The following KCNIP4 variants were observed in gnomAD, a reference collection of about 807,000 sequenced individuals.
KCNIP4 encodes potassium voltage-gated channel interacting protein 4.
KCNIP4 carries 12 observed loss-of-function variants against 34.0 expected under a neutral mutation model. The observed-to-expected ratio is 0.35, with a 90% CI of 0.23 to 0.57. The LOEUF is 0.57. KCNIP4 is among the 20% of genes least tolerant of loss of function. KCNIP4 has a pLI of 0.83. For synonymous variants in KCNIP4, 124 were observed against 102.2 expected (o/e 1.21, Z -1.29); for missense variants, 238 against 311.7 (o/e 0.76, Z 1.78).
At chr4:20,898,733 G>C (rs1392467018) in intron 1 of KCNIP4, among the ~76,000 whole-genome samples, 1 of 152,120 alleles carries the variant, frequency 6.6e-6, no homozygotes, top group African/African-American at 2.4e-5. Context: ...TGTGGTTAAT[G>C]TTCACTGATC....
intron 1 of KCNIP4, among the ~76,000 whole-genome samples, chr4:21,671,614 C>T (rs1342088210): frequency 6.6e-6 from 1 of 152,164 alleles, no homozygotes; most frequent in Non-Finnish European, 1.5e-5. Context: ...TATACTTCAT[C>T]ATTTTCCTCT....
At chr4:21,570,059 A>G (rs565301576) in intron 1 of KCNIP4, among the ~76,000 whole-genome samples, 3 of 152,120 alleles carry the variant, frequency 2.0e-5, no homozygotes, top group Non-Finnish European at 4.4e-5. Context: ...GTCTGCCTCA[A>G]ATGGAGAGGG....
intron 1 of KCNIP4, among the ~76,000 whole-genome samples, chr4:21,240,830 A>C (rs1208823394): frequency 1.3e-5 from 2 of 152,234 alleles, no homozygotes; most frequent in Non-Finnish European, 2.9e-5. Flanking sequence ...AACATTATTG[A>C]AACACTTGTT....
chr4:21,015,562 A>ATAGTATATTGTATTAATATAATAT (rs1466216738), intron 1 of KCNIP4, among the ~76,000 whole-genome samples: 3 of 118,974 alleles, frequency 2.5e-5, no homozygotes, highest in African/African-American at 3.3e-5. Context: ...TTAATATAAT[A>ATAGTATATTGTATTAATATAATAT]TAGTATATTG....
At chr4:21,368,564 A>T (rs1720028122) in intron 1 of KCNIP4, among the ~76,000 whole-genome samples, 1 of 147,324 alleles carries the variant, frequency 6.8e-6, no homozygotes, top group South Asian at 2.1e-4. Context: ...AAGGCCCAGT[A>T]AGGTTGGGTA....
At chr4:21,840,316 G>C (rs1723600699) in intron 1 of KCNIP4, among the ~76,000 whole-genome samples, 1 of 151,992 alleles carries the variant, frequency 6.6e-6, no homozygotes, top group South Asian at 2.1e-4. Flanking sequence ...CTCCTCTGTA[G>C]TCTGTAGTCT....
chr4:20,984,879 C>T (rs1041548853), intron 1 of KCNIP4, among the ~76,000 whole-genome samples: 2 of 152,068 alleles, frequency 1.3e-5, no homozygotes, highest in Non-Finnish European at 2.9e-5. Context: ...TTATTAAAAC[C>T]ACGCTCATCA....
Position 20,882,677 on chromosome 4 carries a change from T to A in KCNIP4, c.94A>T (p.Ser32Cys). The A allele has an allele frequency of 6.2e-7, 1 of 1,613,680 alleles. No individual in the cohort carries two copies. The highest frequency in any genetic ancestry group is 8.5e-7 in the Non-Finnish European group (1 of 1,179,832). ...AGCTTCATGAGCCGCTCTTTAATGC[T>A]GCGCTTGGTGCTGTTCTGAGCGTAC... ...FLYAQNSTKRSIKERLMKLLP... is the reference protein window; with the variant it reads ...FLYAQNSTKRCIKERLMKLLP... The change falls in exon 2 of 9, where the codon AGC (serine) becomes TGC (cysteine). Residue 32 changes from serine to cysteine, a missense_variant. Ser to Cys is a moderately radical substitution (Grantham distance 112, BLOSUM62 -1). Coordinates refer to ENST00000382152, the MANE Select transcript of KCNIP4 (RefSeq NM_025221.6).
intron 1 of KCNIP4, among the ~76,000 whole-genome samples, chr4:21,449,000 A>T (rs1397083642): frequency 6.6e-6 from 1 of 152,230 alleles, no homozygotes; most frequent in Non-Finnish European, 1.5e-5. Flanking sequence ...GGCTGAAATG[A>T]CTACTCAGCT....
rs1229230322 is a variant in KCNIP4 at position 21,105,923 on chromosome 4, G to T, written c.62-223214C>A. On this transcript the variant is annotated intron_variant, in intron 1 of 8. Transcript: ENST00000382152. ...TTATTGATTTGCATATATTGAACCA[G>T]CCTTGCATCCCAGGGATGAAGCCCA... Among the ~76,000 whole-genome samples the T allele has an allele frequency of 2.0e-5, 3 of 151,430 alleles. 1 individual carries two copies. Among genetic ancestry groups the T allele is most frequent in the African/African-American group, 7.4e-5 (3 of 40,786 alleles).
intron 1 of KCNIP4, chr4:21,718,898 G>A (rs534407438): frequency 1.4e-4 from 22 of 152,274 alleles, no homozygotes; most frequent in African/African-American, 5.3e-4. Context: ...CATGTTTAGT[G>A]CATTTCAATT....
At chr4:21,863,034 G>C (rs937226163) in intron 1 of KCNIP4, among the ~76,000 whole-genome samples, 15 of 150,536 alleles carry the variant, frequency 1.0e-4, no homozygotes, top group African/African-American at 3.6e-4. Flanking sequence ...CCCATACTTT[G>C]GTACTGTTAA....
At chr4:20,731,711 T>C (rs1292983534) in intron 8 of KCNIP4, 9 of 985,166 alleles carry the variant, frequency 9.1e-6, no homozygotes, top group Non-Finnish European at 1.1e-5. Flanking sequence ...TCAAATCTCA[T>C]GTATGTTTTA....
intron 1 of KCNIP4, chr4:21,851,816 A>T (rs2109337099): frequency 6.6e-6 from 1 of 152,318 alleles, no homozygotes; most frequent in Admixed American, 6.5e-5. Context: ...ATGGGTGCAT[A>T]GGTGAAGGAG....
chr4:21,686,516 A>G (rs1271940201), intron 1 of KCNIP4, among the ~76,000 whole-genome samples: 1 of 152,176 alleles, frequency 6.6e-6, no homozygotes, highest in African/African-American at 2.4e-5. Context: ...TACATATACT[A>G]TGTTCCCCGT....
At chr4:21,375,571 CTTT>C (rs60626237) in intron 1 of KCNIP4, among the ~76,000 whole-genome samples, 4 of 130,052 alleles carry the variant, frequency 3.1e-5, no homozygotes, top group Admixed American at 7.7e-5. Context: ...GAATTTTTTT[CTTT>C]TTTTTTTTTT....
chr4:21,766,028 G>A (rs1407513879), intron 1 of KCNIP4, among the ~76,000 whole-genome samples: 1 of 152,042 alleles, frequency 6.6e-6, no homozygotes, highest in Non-Finnish European at 1.5e-5. Context: ...CAGGATTGTA[G>A]ATTTCTCTTC....
At chr4:21,499,162 C>T (rs1297350951) in intron 1 of KCNIP4, among the ~76,000 whole-genome samples, 3 of 151,972 alleles carry the variant, frequency 2.0e-5, no homozygotes, top group African/African-American at 7.3e-5. Flanking sequence ...GAAACCCCAT[C>T]TCTACTAAAA....
Position 21,700,715 on chromosome 4 carries a change from A to C in KCNIP4, c.61+247856T>G, listed in dbSNP as rs1435628634. 2.6e-5 allele frequency among the ~76,000 whole-genome samples: 4 copies of C among 152,096 alleles called. No individual in the cohort carries two copies. The South Asian group carries it at 8.3e-4, about 31-fold the overall frequency. On this transcript the variant is annotated intron_variant, in intron 1 of 8. Coordinates refer to ENST00000382152, the MANE Select transcript of KCNIP4 (RefSeq NM_025221.6). ...AGCTTTTCTCCTATATTTCAGTAGTATCACAGTTCCAGGTTTTACATTTAA... is the reference window on the plus strand; with the variant it reads ...AGCTTTTCTCCTATATTTCAGTAGTCTCACAGTTCCAGGTTTTACATTTAA...
Sources: gnomAD v4.1 joint callset for allele counts (sites outside exome capture counted in the v4.1 genomes callset) on GRCh38, gnomAD v4.1.1 for gene constraint, MANE v1.5 for transcripts, NCBI Gene and HGNC (gene_info 2026-07-23, HGNC 2026-07-21) for gene names.